Variants in EPDR1 observed in about 807,000 individuals in gnomAD.
EPDR1 encodes the protein ependymin related 1, also known as mammalian ependymin-related protein 1.
EPDR1 carries 27 observed loss-of-function variants against 23.7 expected under a neutral mutation model. The observed-to-expected ratio is 1.14, with a 90% CI of 0.84 to 1.57. EPDR1 has a LOEUF of 1.57. EPDR1 is among the 40% of genes most tolerant of loss of function. The pLI is 0.00. For synonymous variants in EPDR1, 137 were observed against 118.2 expected (o/e 1.16, Z -1.03); for missense variants, 349 against 290.4 (o/e 1.20, Z -1.47).
chr7:37,929,206 A>G (rs4723717), intron 1 of EPDR1, among the ~76,000 whole-genome samples: 39,067 of 152,070 alleles, frequency 0.26, 5,043 homozygotes, highest in African/African-American at 0.3. Flanking sequence ...CTTTATATTA[A>G]TATATCCAAG....
rs186054115 is a variant in EPDR1 at position 37,934,271 on chromosome 7, C to T, written c.269+13063C>T. Among the ~76,000 whole-genome samples the T allele has an allele frequency of 5.1e-4, 78 of 152,264 alleles. 3 individuals carry two copies. The East Asian group carries it at 0.014, about 27-fold the overall frequency. ...GATTACAGGCGTGAGCCACCACGCC[C>T]GACCTACTCTGCCATTCTTAGCATG... is the stretch of plus-strand genomic sequence containing the variant. On this transcript the variant is annotated intron_variant, in intron 1 of 2. Transcript: ENST00000199448.
chr7:37,927,928 G>C (rs533710675), intron 1 of EPDR1, among the ~76,000 whole-genome samples: 2 of 152,240 alleles, frequency 1.3e-5, no homozygotes, highest in East Asian at 3.9e-4. Context: ...TGCAATACTT[G>C]AGTTTCGCAA....
At chr7:37,935,673 T>C (rs1200765249) in intron 1 of EPDR1, among the ~76,000 whole-genome samples, 3 of 151,496 alleles carry the variant, frequency 2.0e-5, no homozygotes, top group Non-Finnish European at 4.4e-5. Context: ...AACTAGAAAG[T>C]TTTTTTTCCC....
At chr7:37,940,805 TTC>T (rs1491113609) in intron 1 of EPDR1, among the ~76,000 whole-genome samples, 18 of 133,240 alleles carry the variant, frequency 1.4e-4, no homozygotes, top group South Asian at 2.7e-4. Flanking sequence ...AGTTTTTTTT[TTC>T]TAATTGGAAG....
chr7:37,936,407 G>T (rs1448170612), intron 1 of EPDR1, among the ~76,000 whole-genome samples: 2 of 151,962 alleles, frequency 1.3e-5, no homozygotes, highest in African/African-American at 4.8e-5. Context: ...GCTAAACTCA[G>T]GAAGAAGGCA....
At chr7:37,940,675 G>T (rs1443918660) in intron 1 of EPDR1, among the ~76,000 whole-genome samples, 1 of 152,146 alleles carries the variant, frequency 6.6e-6, no homozygotes, top group African/African-American at 2.4e-5. Context: ...AAATGTTTTT[G>T]TTAATGTTTT....
chr7:37,943,633 T>A (rs731201), intron 1 of EPDR1, among the ~76,000 whole-genome samples: 92,873 of 152,160 alleles, frequency 0.61, 28,473 homozygotes, highest in East Asian at 0.77. Context: ...TTCCATTAAT[T>A]TATTATTTTC....
At position 37,920,848 on chromosome 7, in the gene EPDR1, C is replaced by G. The variant is rs371487022; in HGVS notation, c.-92C>G. The G allele has an allele frequency of 2.7e-5, 44 of 1,610,490 alleles. 1 individual carries two copies. The highest frequency in any genetic ancestry group is 2.7e-4 in the South Asian group (24 of 90,544). ...TCCAGACCACACTCCCGGCACAGTGCGGAAAGAGCCGGCGGGAGCCACTCT... is the reference window on the plus strand; with the variant it reads ...TCCAGACCACACTCCCGGCACAGTGGGGAAAGAGCCGGCGGGAGCCACTCT... On this transcript the variant is annotated 5_prime_UTR_variant, in exon 1 of 3. Transcript: ENST00000199448.
intron 1 of EPDR1, among the ~76,000 whole-genome samples, chr7:37,933,414 A>C (rs79233358): frequency 1.3e-3 from 199 of 152,338 alleles, no homozygotes; most frequent in African/African-American, 4.7e-3. Flanking sequence ...GTTGAGAGCG[A>C]GAAGGCACAT....
chr7:37,935,272 C>T (rs955321956), intron 1 of EPDR1, among the ~76,000 whole-genome samples: 6 of 152,112 alleles, frequency 3.9e-5, no homozygotes, highest in African/African-American at 1.2e-4. Context: ...GTAAGGGATC[C>T]ACCATAGCAC....
intron 1 of EPDR1, among the ~76,000 whole-genome samples, chr7:37,941,212 CATT>C: frequency 6.6e-6 from 1 of 152,228 alleles, no homozygotes; most frequent in East Asian, 1.9e-4. Context: ...TTTACTATAC[CATT>C]GGTACTATGA....
At chr7:37,942,982 C>T (rs1010370262) in intron 1 of EPDR1, among the ~76,000 whole-genome samples, 5 of 152,214 alleles carry the variant, frequency 3.3e-5, no homozygotes, top group Admixed American at 6.5e-5. Flanking sequence ...GCCGCTGGCC[C>T]GTCCTGTGTG....
intron 1 of EPDR1, among the ~76,000 whole-genome samples, chr7:37,942,891 A>G (rs1426822625): frequency 6.6e-6 from 1 of 152,232 alleles, no homozygotes; most frequent in Non-Finnish European, 1.5e-5. Flanking sequence ...TGCAGGAAAC[A>G]ATGGAAATTG....
chr7:37,921,361 A>T, intron 1 of EPDR1, 153 bp downstream of exon 1: 1 of 1,415,556 alleles, frequency 7.1e-7, no homozygotes, highest in Middle Eastern at 1.8e-4. Context: ...TCTCTTGGGG[A>T]TAGCATGGTC....
Position 37,944,252 on chromosome 7 carries a change from C to A in EPDR1, c.270-4588C>A, listed in dbSNP as rs919038973. On this transcript the variant is annotated intron_variant, in intron 1 of 2. Coordinates refer to ENST00000199448, the MANE Select transcript of EPDR1 (RefSeq NM_017549.5). ...TCTGCTTCATTCTTTAATCCTATTC[C>A]ATTTGCGTTTTGGAAAATAGCCTCC... Among the ~76,000 whole-genome samples the A allele has an allele frequency of 3.3e-5, 5 of 152,162 alleles. No homozygotes were observed. In the East Asian group the frequency reaches 9.6e-4, roughly 29 times the overall value.
chr7:37,929,546 C>T (rs1339802824), intron 1 of EPDR1, among the ~76,000 whole-genome samples: 2 of 152,044 alleles, frequency 1.3e-5, no homozygotes, highest in Non-Finnish European at 1.5e-5. Context: ...AATATACATT[C>T]ATTGTAGAAG....
intron 1 of EPDR1, among the ~76,000 whole-genome samples, chr7:37,928,050 G>T (rs771636643): frequency 6.6e-6 from 1 of 152,186 alleles, no homozygotes; most frequent in Non-Finnish European, 1.5e-5. Flanking sequence ...TTAATGCTGA[G>T]ATGGGGAGGG....
At chr7:37,924,786 G>A (rs148123512) in intron 1 of EPDR1, among the ~76,000 whole-genome samples, 186 of 151,648 alleles carry the variant, frequency 1.2e-3, no homozygotes, top group African/African-American at 4.1e-3. Context: ...TAGATTTGTT[G>A]GAACAAACTC....
At chr7:37,943,101 G>A (rs1786202175) in intron 1 of EPDR1, among the ~76,000 whole-genome samples, 2 of 152,194 alleles carry the variant, frequency 1.3e-5, no homozygotes, top group South Asian at 2.1e-4. Context: ...GTGGGAACTC[G>A]CCTGCCCCTC....
Sources: gnomAD v4.1 joint callset for allele counts (sites outside exome capture counted in the v4.1 genomes callset) on GRCh38, gnomAD v4.1.1 for gene constraint, MANE v1.5 for transcripts, NCBI Gene and HGNC (gene_info 2026-07-23, HGNC 2026-07-21) for gene names.